The following TSKS variants were observed in gnomAD, a reference collection of about 807,000 sequenced individuals.
The protein encoded by TSKS is testis-specific serine kinase substrate.
TSKS carries 27 observed loss-of-function variants against 68.0 expected under a neutral mutation model. The observed-to-expected ratio is 0.40, with a 90% CI of 0.29 to 0.55. The LOEUF is 0.55. TSKS is among the 20% of genes least tolerant of loss of function. The pLI is 0.53. For synonymous variants in TSKS, 331 were observed against 340.4 expected, an observed-to-expected ratio of 0.97 and a Z score of 0.30; for missense variants, 806 against 776.0, an observed-to-expected ratio of 1.04 and a Z score of -0.46.
intron 2 of TSKS, among the ~76,000 whole-genome samples, chr19:49,753,785 T>C (rs924442245): frequency 1.3e-5 from 2 of 150,386 alleles, no homozygotes; most frequent in Admixed American, 1.3e-4. Flanking sequence ...ATAAAAATAA[T>C]AAAATAAAAA....
chr19:49,740,279 G>A, intron 9 of TSKS, 96 bp from the exon 10 acceptor site: 1 of 1,437,332 alleles, frequency 7.0e-7, no homozygotes, highest in Non-Finnish European at 9.2e-7. Flanking sequence ...GGGTCCCATG[G>A]GGCCCACATT....
At chr19:49,744,906 T>C (rs2084283225) in intron 7 of TSKS, among the ~76,000 whole-genome samples, 2 of 152,154 alleles carry the variant, frequency 1.3e-5, no homozygotes, top group Admixed American at 1.3e-4. Flanking sequence ...TGTAGATTAC[T>C]GTTTGGAATG....
At chr19:49,750,007 G>A (rs1568563899) in intron 2 of TSKS, among the ~76,000 whole-genome samples, 1 of 151,682 alleles carries the variant, frequency 6.6e-6, no homozygotes, top group African/African-American at 2.4e-5. Flanking sequence ...TCCCTTATAG[G>A]AAAAGAGTGA....
rs1158354562 is a variant in TSKS, at chr19:49,751,260, C to T, written c.400-2791G>A. Among the ~76,000 whole-genome samples, 6 of 138,606 alleles carry T rather than the reference C, an allele frequency of 4.3e-5. No individual in the cohort carries two copies. The East Asian group carries it at 1.1e-3, about 26-fold the overall frequency. 90.9% of individuals were successfully genotyped at this position (138,606 alleles called of 152,430 possible). ...CGGAGGTTGCAGAGAGCCTAGATGG[C>T]GCCATTGCACTCCAGCCTGGGCGAC... On this transcript the variant is annotated intron_variant, in intron 2 of 10. Transcript: ENST00000246801.
intron 2 of TSKS, among the ~76,000 whole-genome samples, chr19:49,761,722 G>A (rs1311920954): frequency 1.3e-5 from 2 of 152,142 alleles, no homozygotes; most frequent in African/African-American, 4.8e-5. Flanking sequence ...CCAGCACTGT[G>A]GGAGGCCGAG....
chr19:49,746,846 C>G (rs749629600), intron 5 of TSKS, 48 bp from the exon 6 acceptor site: 1 of 1,574,588 alleles, frequency 6.4e-7, no homozygotes, highest in Non-Finnish European at 8.6e-7. Context: ...CGCTTTCCTC[C>G]CGCAACCACC....
chr19:49,756,763 A>G (rs2123625970), intron 2 of TSKS, among the ~76,000 whole-genome samples: 1 of 152,280 alleles, frequency 6.6e-6, no homozygotes, highest in East Asian at 1.9e-4. Context: ...CACACCCAGG[A>G]AATAGAATAA....
At chr19:49,755,353 A>G (rs889749313) in intron 2 of TSKS, among the ~76,000 whole-genome samples, 9 of 152,218 alleles carry the variant, frequency 5.9e-5, no homozygotes, top group Non-Finnish European at 1.3e-4. Flanking sequence ...CCAAAACTTG[A>G]TGATTTGAAC....
intron 6 of TSKS, among the ~76,000 whole-genome samples, chr19:49,745,654 CT>C (rs1330234761): frequency 2.0e-5 from 3 of 152,108 alleles, no homozygotes; most frequent in Non-Finnish European, 4.4e-5. Context: ...CAACCTCTAC[CT>C]GGGCTCCTCC....
rs1191703460 is a variant in TSKS at position 49,748,174 on chromosome 19, G to A, written c.496-6C>T. On this transcript the variant is annotated splice_region_variant and splice_polypyrimidine_tract_variant and intron_variant, in intron 3 of 10. Coordinates refer to ENST00000246801, the MANE Select transcript of TSKS (RefSeq NM_021733.2). ...CTCAGCACAGAACACTCGCTCTGGA[G>A]CATGGAAGGAGGAGAGGTTAGCCAA... The A allele has an allele frequency of 1.2e-6, 2 of 1,614,176 alleles. No individual in the cohort carries two copies. Among genetic ancestry groups the A allele is most frequent in the East Asian group, 2.2e-5 (1 of 44,890 alleles).
intron 6 of TSKS, 136 bp from the exon 7 acceptor site, chr19:49,745,532 T>A (rs2084291270): frequency 1.5e-6 from 1 of 666,298 alleles, no homozygotes; most frequent in East Asian, 3.2e-5. Flanking sequence ...CCCACCCAGG[T>A]CACCAAATTT....
intron 9 of TSKS, 56 bp downstream of exon 9, chr19:49,741,829 C>T (rs2084254641): frequency 2.5e-6 from 4 of 1,611,576 alleles, no homozygotes; most frequent in Admixed American, 1.7e-5. Flanking sequence ...GGGTTCCCCT[C>T]CCCTTGCCCC....
In TSKS at chr19:49,763,179, C is replaced by T. The variant is rs146993539; in HGVS notation, c.69G>A (p.Thr23=). 3.5e-5 allele frequency: 56 copies of T among 1,598,742 alleles called. No homozygotes were observed. Among genetic ancestry groups the T allele is most frequent in the Admixed American group, 1.2e-4 (7 of 57,396 alleles). ...CTAGCTGGGAGCAGCTCTCCACCCCCGTGGGGGTGTCCCCGGCCTCATGGA... is the reference window on the plus strand; with the variant it reads ...CTAGCTGGGAGCAGCTCTCCACCCCTGTGGGGGTGTCCCCGGCCTCATGGA... ...KEIHEAGDTP[T]GVESCSQLVP... The change falls in exon 1 of 11, where the codon ACG becomes ACA. Residue 23 remains threonine, a synonymous_variant. Transcript: ENST00000246801. The surrounding 1 kb of genome is among the most constrained non-coding windows in gnomAD (Gnocchi z 4.5).
intron 9 of TSKS, among the ~76,000 whole-genome samples, chr19:49,741,517 A>G (rs1432522703): frequency 6.6e-6 from 1 of 152,036 alleles, no homozygotes; most frequent in Non-Finnish European, 1.5e-5. Flanking sequence ...AATATAGCTG[A>G]CCCCAATGAT....
intron 2 of TSKS, among the ~76,000 whole-genome samples, chr19:49,753,212 G>T (rs1032569723): frequency 1.3e-5 from 2 of 152,166 alleles, no homozygotes; most frequent in Non-Finnish European, 2.9e-5. Flanking sequence ...GACTGCTTGA[G>T]CCCAGAAGTT....
At chr19:49,745,157 G>A in intron 7 of TSKS, 45 bp downstream of exon 7, 1 of 1,516,760 alleles carries the variant, frequency 6.6e-7, no homozygotes, top group Non-Finnish European at 8.9e-7. Context: ...GGTTGGGATT[G>A]CCCTGCCCCT....
chr19:49,747,028 G>C (rs2084308547), intron 5 of TSKS: 1 of 1,228,622 alleles, frequency 8.1e-7, no homozygotes, highest in Non-Finnish European at 1.1e-6. Flanking sequence ...TATCCACCCG[G>C]CCCTCCAAGC....
intron 2 of TSKS, among the ~76,000 whole-genome samples, chr19:49,760,571 A>C (rs2084431890): frequency 6.6e-6 from 1 of 151,454 alleles, no homozygotes; most frequent in Non-Finnish European, 1.5e-5. Context: ...TCCTGACCTC[A>C]TGATCCACCC....
chr19:49,753,772 TAAATAAAAATAATA>T (rs1172145218), intron 2 of TSKS, among the ~76,000 whole-genome samples: 1 of 149,808 alleles, frequency 6.7e-6, no homozygotes, highest in African/African-American at 2.4e-5. Flanking sequence ...TAAAAATAAA[TAAATAAAAATAATA>T]AAATAAAAAG....
Sources: allele counts gnomAD v4.1 joint callset (sites outside exome capture counted in the v4.1 genomes callset), GRCh38; gene constraint gnomAD v4.1.1; non-coding constraint Gnocchi (gnomAD v3.1); transcripts MANE v1.5; gene names NCBI Gene and HGNC (gene_info 2026-07-23, HGNC 2026-07-21).